The following ZFYVE9 variants were observed in gnomAD, a reference collection of about 807,000 sequenced individuals.
The protein encoded by ZFYVE9 is zinc finger FYVE-type containing 9.
In ZFYVE9, 43 loss-of-function variants were observed where a neutral mutation model predicts 126.7. That is an observed-to-expected ratio of 0.34 (90% CI 0.27 to 0.44). The LOEUF is 0.44. Among genes scored for constraint, ZFYVE9 ranks in the 20% least tolerant of loss-of-function variants. ZFYVE9 has a pLI of 1.00. For synonymous variants in ZFYVE9, 521 were observed against 597.4 expected (o/e 0.87, Z 1.87); for missense variants, 1,476 against 1,697.0 (o/e 0.87, Z 2.29).
intron 13 of ZFYVE9, among the ~76,000 whole-genome samples, chr1:52,322,858 G>A (rs954206724): frequency 5.9e-5 from 9 of 152,014 alleles, no homozygotes; most frequent in African/African-American, 2.2e-4. Context: ...AGGCTGGAGT[G>A]CAGTGGCGCG....
intron 13 of ZFYVE9, among the ~76,000 whole-genome samples, chr1:52,307,340 A>G (rs1343798924): frequency 4.6e-5 from 7 of 151,978 alleles, no homozygotes; most frequent in African/African-American, 9.7e-5. Flanking sequence ...GATTCAAGCA[A>G]TTCTCCTACC....
In ZFYVE9 at chr1:52,248,128, C is replaced by T. The variant is rs1199310128; in HGVS notation, c.2178+8533C>T. The stretch of plus-strand genomic sequence containing the variant: ...TCCCACAATAATCTATTGGCAACCT[C>T]GGGAAAGAGAAGCTAGTGGTAGGGC... On this transcript the variant is annotated intron_variant, in intron 4 of 18. Coordinates refer to ENST00000287727, the MANE Select transcript of ZFYVE9 (RefSeq NM_004799.4). Among the ~76,000 whole-genome samples, 8 of 152,046 alleles carry T rather than the reference C, an allele frequency of 5.3e-5. No individual in the cohort carries two copies. In the East Asian group the frequency reaches 9.6e-4, roughly 18 times the overall value.
At position 52,182,607 on chromosome 1, in the gene ZFYVE9, C is replaced by T. The variant is rs1644721790; in HGVS notation, c.-142-33762C>T. Among the ~76,000 whole-genome samples, 8 of 151,880 alleles carry T rather than the reference C, an allele frequency of 5.3e-5. No individual in the cohort carries two copies. In the South Asian group the frequency reaches 1.7e-3, roughly 32 times the overall value. On this transcript the variant is annotated intron_variant, in intron 1 of 18. Transcript: ENST00000287727. Reference sequence around the variant, plus strand: ...AATCTCAAGTACCCAGGGACACAAACACTGCGGAAGGCTGCAGGGTCCTCT... The same window carrying T: ...AATCTCAAGTACCCAGGGACACAAATACTGCGGAAGGCTGCAGGGTCCTCT...
chr1:52,340,792 C>G (rs1428907327), intron 17 of ZFYVE9, among the ~76,000 whole-genome samples: 2 of 149,940 alleles, frequency 1.3e-5, no homozygotes, highest in African/African-American at 4.9e-5. Flanking sequence ...TCCCAGCTGC[C>G]TGAGAGGCTG....
chr1:52,335,504 C>G (rs1426993349), intron 15 of ZFYVE9, among the ~76,000 whole-genome samples: 2 of 152,132 alleles, frequency 1.3e-5, no homozygotes, highest in African/African-American at 4.8e-5. Context: ...GGGGTACTTA[C>G]GTGGGGACTC....
chr1:52,255,908 CT>C (rs1213010485), intron 4 of ZFYVE9, among the ~76,000 whole-genome samples: 7 of 43,288 alleles, frequency 1.6e-4, no homozygotes, highest in African/African-American at 1.2e-3. Flanking sequence ...TTTTTCTTTT[CT>C]TTTCTTTTCT....
At chr1:52,247,504 T>C (rs1359977431) in intron 4 of ZFYVE9, among the ~76,000 whole-genome samples, 1 of 152,122 alleles carries the variant, frequency 6.6e-6, no homozygotes, top group East Asian at 1.9e-4. Context: ...CAGAGCTTTT[T>C]GTTTTTTTTT....
intron 13 of ZFYVE9, among the ~76,000 whole-genome samples, chr1:52,308,257 T>G (rs1646104778): frequency 6.6e-6 from 1 of 152,152 alleles, no homozygotes; most frequent in Admixed American, 6.5e-5. Flanking sequence ...CATGGATCAC[T>G]GCAGTCTCAA....
At chr1:52,274,325 G>T (rs1241615399) in intron 7 of ZFYVE9, 139 bp from the exon 8 acceptor site, 29 of 1,052,804 alleles carry the variant, frequency 2.8e-5, no homozygotes, top group Non-Finnish European at 3.8e-5. Context: ...TAATCCATGG[G>T]TTAATGAATA....
rs1445494519 is a variant in ZFYVE9, at chr1:52,267,011, A to G, written c.2455+180A>G. Among the ~76,000 whole-genome samples the G allele has an allele frequency of 3.3e-5, 5 of 152,244 alleles. No individual in the cohort carries two copies. In the South Asian group the frequency reaches 6.2e-4, roughly 19 times the overall value. On this transcript the variant is annotated intron_variant, in intron 6 of 18. Transcript: ENST00000287727. ...GACTATTTCTGGGCAAGTAGAGAAT[A>G]ATATTTGTGTTGCTTGGTATTTTAG... is the stretch of plus-strand genomic sequence containing the variant.
chr1:52,214,381 T>A (rs1645053797), intron 1 of ZFYVE9, among the ~76,000 whole-genome samples: 1 of 152,064 alleles, frequency 6.6e-6, no homozygotes, highest in Non-Finnish European at 1.5e-5. Flanking sequence ...GAGCCAAGAT[T>A]GCACCATTAC....
chr1:52,346,458 C>T lies in ZFYVE9; in HGVS notation c.*237C>T, dbSNP rs1646484734. On this transcript the variant is annotated 3_prime_UTR_variant, in exon 19 of 19. Coordinates refer to ENST00000287727, the MANE Select transcript of ZFYVE9 (RefSeq NM_004799.4). ...CAAGAAGATCTGGGCAGCTTCTGTTCCTGCACAACAGTTATGCTATCCTTG... is the reference window on the plus strand; with the variant it reads ...CAAGAAGATCTGGGCAGCTTCTGTTTCTGCACAACAGTTATGCTATCCTTG... The T allele has an allele frequency of 2.2e-6, 1 of 454,624 alleles. No homozygotes were observed. Among genetic ancestry groups the T allele is most frequent in the Non-Finnish European group, 3.9e-6 (1 of 258,352 alleles). 28.2% of individuals were successfully genotyped at this position (454,624 alleles called of 1,614,324 possible).
At chr1:52,191,146 C>T (rs1644813319) in intron 1 of ZFYVE9, among the ~76,000 whole-genome samples, 1 of 152,060 alleles carries the variant, frequency 6.6e-6, no homozygotes, top group African/African-American at 2.4e-5. Flanking sequence ...CACCATGTTG[C>T]CCAGGCTGGT....
chr1:52,208,832 C>T (rs1645002402), intron 1 of ZFYVE9, among the ~76,000 whole-genome samples: 2 of 152,306 alleles, frequency 1.3e-5, no homozygotes, highest in South Asian at 4.1e-4. Context: ...CATGCCCGGC[C>T]TTGAATTGTT....
chr1:52,229,944 T>C (rs988693964), intron 2 of ZFYVE9, among the ~76,000 whole-genome samples: 1 of 150,354 alleles, frequency 6.7e-6, no homozygotes, highest in Non-Finnish European at 1.5e-5. Context: ...CTCGGCTCAC[T>C]GCAAGCTCCG....
chr1:52,146,405 A>G (rs898866277), intron 1 of ZFYVE9, among the ~76,000 whole-genome samples: 2 of 152,144 alleles, frequency 1.3e-5, no homozygotes, highest in Admixed American at 6.5e-5. Context: ...AAATTTACTT[A>G]AGAACTGTTT....
chr1:52,155,861 T>G (rs1470956403), intron 1 of ZFYVE9, among the ~76,000 whole-genome samples: 1 of 152,224 alleles, frequency 6.6e-6, no homozygotes, highest in Non-Finnish European at 1.5e-5. Flanking sequence ...ATTTGTCTTT[T>G]GCTTTGGAGG....
chr1:52,295,892 T>C lies in ZFYVE9; in HGVS notation c.3251-3T>C, dbSNP rs1645969278. The stretch of plus-strand genomic sequence containing the variant: ...TAAGTTTGATCATTTCTCATTTCCA[T>C]AGTTTATCCATGCCCACTATTCAGT... On this transcript the variant is annotated splice_polypyrimidine_tract_variant and splice_region_variant and intron_variant, in intron 11 of 18. Coordinates refer to ENST00000287727, the MANE Select transcript of ZFYVE9 (RefSeq NM_004799.4). The C allele has an allele frequency of 3.1e-6, 5 of 1,611,426 alleles. No homozygotes were observed. Among genetic ancestry groups the C allele is most frequent in the Non-Finnish European group, 3.4e-6 (4 of 1,178,986 alleles).
At chr1:52,317,631 TAAAG>T (rs1000583589) in intron 13 of ZFYVE9, among the ~76,000 whole-genome samples, 2 of 150,266 alleles carry the variant, frequency 1.3e-5, no homozygotes, top group African/African-American at 4.9e-5. Flanking sequence ...ACAAAAACAA[TAAAG>T]AAAATTAATG....
Sources: gnomAD v4.1 joint callset for allele counts (sites outside exome capture counted in the v4.1 genomes callset) on GRCh38, gnomAD v4.1.1 for gene constraint, MANE v1.5 for transcripts, NCBI Gene and HGNC (gene_info 2026-07-23, HGNC 2026-07-21) for gene names.